Variants in PCDHA4 observed in about 807,000 individuals in gnomAD.
PCDHA4 encodes the protein protocadherin alpha 4.
Under a neutral mutation model 61.4 loss-of-function variants are expected in PCDHA4, and 49 were observed. That is an observed-to-expected ratio of 0.80 (90% CI 0.63 to 1.01). The LOEUF (loss-of-function observed/expected upper bound fraction) is 1.01. Among genes scored for constraint, PCDHA4 ranks in the 50% least tolerant of loss-of-function variants. The pLI is 0.00. For missense variants in PCDHA4, 1,254 were observed against 1,235.8 expected, an observed-to-expected ratio of 1.01 and a Z score of -0.22; for synonymous variants, 590 against 550.3, an observed-to-expected ratio of 1.07 and a Z score of -1.01.
At chr5:140,968,062 G>A in intron 1 of PCDHA4, 2 of 1,614,120 alleles carry the variant, frequency 1.2e-6, no homozygotes, top group Non-Finnish European at 1.7e-6. Flanking sequence ...GAGAGCGGGT[G>A]GCTGTCTACA....
intron 1 of PCDHA4, among the ~76,000 whole-genome samples, chr5:140,922,956 T>G (rs2081088317): frequency 6.6e-6 from 1 of 152,236 alleles, no homozygotes; most frequent in Non-Finnish European, 1.5e-5. Context: ...CCAGTTTGTC[T>G]TCAGCCAGTG....
In PCDHA4 at chr5:140,982,474, G is replaced by C. The variant is rs2096985354; in HGVS notation, c.2445-1G>C. On this transcript the variant is annotated splice_acceptor_variant, in intron 2 of 3. Coordinates refer to ENST00000530339, the MANE Select transcript of PCDHA4 (RefSeq NM_018907.4). LOFTEE classifies it high-confidence loss of function. ...TTATCTGGGTCTGTGTGTTTATTCA[G>C]CTCTGTGCACCTAGAGGAGGCTGGC... 3 of 1,614,164 alleles carry C rather than the reference G, an allele frequency of 1.9e-6. No individual in the cohort carries two copies. The highest frequency in any genetic ancestry group is 2.5e-6 in the Non-Finnish European group (3 of 1,180,024).
chr5:140,830,435 A>G (rs1771062233), intron 1 of PCDHA4: 2 of 1,613,132 alleles, frequency 1.2e-6, no homozygotes, highest in African/African-American at 2.7e-5. Context: ...TTGTCCTATT[A>G]TGATGGGTAA....
chr5:140,830,324 G>C (rs1770992912), intron 1 of PCDHA4: 1 of 1,614,086 alleles, frequency 6.2e-7, no homozygotes, highest in Non-Finnish European at 8.5e-7. Context: ...CTCCAGCGCA[G>C]TGGGGAGCTG....
At chr5:140,858,863 A>T (rs1042514918) in intron 1 of PCDHA4, 3 of 258,704 alleles carry the variant, frequency 1.2e-5, no homozygotes, top group Admixed American at 5.3e-5. Context: ...CTCTTCAGTG[A>T]AAATGTGTTT....
intron 1 of PCDHA4, chr5:140,850,875 G>T: frequency 6.3e-7 from 1 of 1,590,472 alleles, no homozygotes; most frequent in Non-Finnish European, 8.6e-7. Flanking sequence ...TGCTTCCTCA[G>T]ATTCAACTGG....
intron 1 of PCDHA4, chr5:140,876,304 TCCTATGGGATC>T (rs1173311877): frequency 1.9e-6 from 3 of 1,613,956 alleles, no homozygotes; most frequent in Non-Finnish European, 2.5e-6. Context: ...TGGAGAAATT[TCCTATGGGATC>T]AAAATGATTT....
At chr5:140,863,590 A>G (rs1182896433) in intron 1 of PCDHA4, 1 of 358,846 alleles carries the variant, frequency 2.8e-6, no homozygotes, top group African/African-American at 2.1e-5. Flanking sequence ...CCTGGAAAGT[A>G]TTTCATTCCT....
In PCDHA4 at chr5:140,917,874, C is replaced by A. The variant is rs1240832097; in HGVS notation, c.2386-61075C>A. Among the ~76,000 whole-genome samples, 13 of 151,108 alleles carry A rather than the reference C, an allele frequency of 8.6e-5. No individual in the cohort carries two copies. In the East Asian group the frequency reaches 2.5e-3, roughly 29 times the overall value. ...CTTAGGATTGCTTTGACTATTTGGG[C>A]TCTTTTTTTTTTCCATATGAATGTT... On this transcript the variant is annotated intron_variant, in intron 1 of 3. Transcript: ENST00000530339.
intron 1 of PCDHA4, among the ~76,000 whole-genome samples, chr5:140,847,064 A>G (rs1159869188): frequency 1.3e-5 from 2 of 149,866 alleles, no homozygotes; most frequent in Non-Finnish European, 3.0e-5. Flanking sequence ...AGAAAGCATC[A>G]ATATGACAAG....
At chr5:140,882,457 G>A (rs781908788) in intron 1 of PCDHA4, 2 of 1,613,938 alleles carry the variant, frequency 1.2e-6, no homozygotes, top group East Asian at 2.2e-5. Flanking sequence ...TGCCGCGCCT[G>A]TTCCGGGTGG....
chr5:140,854,987 T>C (rs1220578373), intron 1 of PCDHA4, among the ~76,000 whole-genome samples: 1 of 149,970 alleles, frequency 6.7e-6, no homozygotes, highest in Admixed American at 6.7e-5. Context: ...TAAGATTCTT[T>C]TTGCCCGTGT....
At chr5:140,818,416 A>G (rs1766351066) in intron 1 of PCDHA4, among the ~76,000 whole-genome samples, 1 of 152,192 alleles carries the variant, frequency 6.6e-6, no homozygotes, top group African/African-American at 2.4e-5. Context: ...TTCCTTTTTA[A>G]AAATATATTT....
Position 140,885,566 on chromosome 5 carries a change from G to A in PCDHA4, c.2385+75994G>A, listed in dbSNP as rs190303990. On this transcript the variant is annotated intron_variant, in intron 1 of 3. Transcript: ENST00000530339. The stretch of plus-strand genomic sequence containing the variant: ...TGGTGTTATTTCTACGAAATTGATT[G>A]TCAGATGTGGAATTGATGCATCAAA... Among the ~76,000 whole-genome samples, 467 of 152,160 alleles carry A rather than the reference G, an allele frequency of 3.1e-3. 3 individuals carry two copies. The highest frequency in any genetic ancestry group is 0.014 in the Middle Eastern group (4 of 294).
At chr5:140,910,154 G>A (rs575042155) in intron 1 of PCDHA4, among the ~76,000 whole-genome samples, 234 of 152,310 alleles carry the variant, frequency 1.5e-3, no homozygotes, top group African/African-American at 4.9e-3. Flanking sequence ...ATTGATTGAG[G>A]GGAAATTGAT....
chr5:140,966,937 C>T (rs2096072123), intron 1 of PCDHA4: 6 of 1,604,032 alleles, frequency 3.7e-6, no homozygotes, highest in Non-Finnish European at 5.1e-6. Flanking sequence ...CCGGCGCGCT[C>T]GTGGGCAACG....
chr5:140,871,436 G>A, intron 1 of PCDHA4: 1 of 1,612,324 alleles, frequency 6.2e-7, no homozygotes, highest in East Asian at 2.2e-5. Context: ...CTTCCTCTAG[G>A]TCTGAATAAA....
intron 1 of PCDHA4, chr5:140,823,251 G>T (rs2150123936): frequency 6.2e-7 from 1 of 1,613,318 alleles, no homozygotes; most frequent in East Asian, 2.2e-5. Flanking sequence ...TGTCCTACTC[G>T]CTGGTGGAGC....
At chr5:140,929,391 A>T (rs1563116530) in intron 1 of PCDHA4, 3 of 1,511,404 alleles carry the variant, frequency 2.0e-6, no homozygotes, top group Non-Finnish European at 2.7e-6. Context: ...GTTTTGAAAT[A>T]TTTCTTAGAC....
Sources: allele counts gnomAD v4.1 joint callset (sites outside exome capture counted in the v4.1 genomes callset), GRCh38; gene constraint gnomAD v4.1.1; transcripts MANE v1.5; gene names NCBI Gene and HGNC (gene_info 2026-07-23, HGNC 2026-07-21).